The following TRPS1 variants were observed in gnomAD, a reference collection of about 807,000 sequenced individuals.
TRPS1 encodes zinc finger transcription factor Trps1.
TRPS1 carries 6 observed loss-of-function variants against 101.2 expected under a neutral mutation model. The ratio of observed to expected loss-of-function variants is 0.06; its 90% CI spans 0.03 to 0.12. TRPS1 has a LOEUF of 0.12. Among genes scored for constraint, TRPS1 ranks in the 10% least tolerant of loss-of-function variants. The probability of loss-of-function intolerance (pLI) is 1.00; values close to 1 mark genes in which losing one functional copy is unlikely to be tolerated. For synonymous variants in TRPS1, 578 were observed against 589.8 expected, an observed-to-expected ratio of 0.98 and a Z score of 0.29; for missense variants, 1,363 against 1,567.0, an observed-to-expected ratio of 0.87 and a Z score of 2.20.
At chr8:115,487,614 A>T (rs1421706378) in intron 5 of TRPS1, among the ~76,000 whole-genome samples, 15 of 152,218 alleles carry the variant, frequency 9.9e-5, no homozygotes, top group Admixed American at 9.8e-4. Flanking sequence ...TAAGAAGTTG[A>T]TTCCAATCCT....
chr8:115,643,090 A>T (rs189291124), intron 1 of TRPS1, among the ~76,000 whole-genome samples: 3 of 152,278 alleles, frequency 2.0e-5, no homozygotes, highest in African/African-American at 7.2e-5. Context: ...AGTTAAAAAC[A>T]TTCTTTATTA....
At chr8:115,577,818 C>A (rs530414651) in intron 5 of TRPS1, among the ~76,000 whole-genome samples, 150 of 152,192 alleles carry the variant, frequency 9.9e-4, no homozygotes, top group South Asian at 2.7e-3. Context: ...GAAATCAATT[C>A]TTTTCTCTTG....
Position 115,629,175 on chromosome 8 carries a change from C to A in TRPS1, c.-121-5417G>T, listed in dbSNP as rs117569491. On this transcript the variant is annotated intron_variant, in intron 1 of 6. Coordinates refer to ENST00000395715, the MANE Select transcript of TRPS1 (RefSeq NM_014112.5). ...AACAAAAAACAAAAAACAAAAAAAA[C>A]CAGTATTCCTTCACTAACTTGGCAA... Among the ~76,000 whole-genome samples the A allele has an allele frequency of 2.5e-3, 382 of 151,812 alleles. 9 individuals are homozygous for A. The East Asian group carries it at 0.058, about 23-fold the overall frequency.
At chr8:115,601,090 C>T (rs958981030) in intron 4 of TRPS1, among the ~76,000 whole-genome samples, 3 of 152,164 alleles carry the variant, frequency 2.0e-5, no homozygotes, top group African/African-American at 4.8e-5. Context: ...ATAAACTCTT[C>T]TGCTTCTCAG....
At chr8:115,546,577 A>AG (rs377089753) in intron 5 of TRPS1, among the ~76,000 whole-genome samples, 1 of 52,880 alleles carries the variant, frequency 1.9e-5, no homozygotes, top group African/African-American at 8.4e-5. Context: ...GGCATGTAAA[A>AG]TGTGACACAC....
intron 5 of TRPS1, among the ~76,000 whole-genome samples, chr8:115,492,020 G>C (rs1371983783): frequency 6.6e-6 from 1 of 151,928 alleles, no homozygotes; most frequent in East Asian, 1.9e-4. Context: ...GATTATGAAA[G>C]GTTAAGGGTC....
chr8:115,667,721 G>A (rs1459847309), intron 1 of TRPS1, among the ~76,000 whole-genome samples: 3 of 152,214 alleles, frequency 2.0e-5, no homozygotes, highest in Non-Finnish European at 4.4e-5. Context: ...CTTCTCCAGA[G>A]CCCAGCTGGG....
intron 5 of TRPS1, among the ~76,000 whole-genome samples, chr8:115,533,449 T>TGTTTTTTTTTTTTTTTTTTTTTTG (rs1182320214): frequency 1.6e-5 from 2 of 123,322 alleles, no homozygotes; most frequent in African/African-American, 8.3e-5. Flanking sequence ...TTTTTTTTTT[T>TGTTTTTTTTTTTTTTTTTTTTTTG]TTTTTTTTTT....
chr8:115,584,079 A>C, intron 5 of TRPS1, among the ~76,000 whole-genome samples: 1 of 152,132 alleles, frequency 6.6e-6, no homozygotes, highest in South Asian at 2.1e-4. Flanking sequence ...GCAACATTTT[A>C]ATTATGTGCT....
chr8:115,570,055 G>T (rs2130392444), intron 5 of TRPS1, among the ~76,000 whole-genome samples: 1 of 152,002 alleles, frequency 6.6e-6, no homozygotes, highest in African/African-American at 2.4e-5. Context: ...ATTCTATAAA[G>T]AAATCTCTGT....
At chr8:115,585,303 C>A (rs1817538630) in intron 5 of TRPS1, among the ~76,000 whole-genome samples, 1 of 152,156 alleles carries the variant, frequency 6.6e-6, no homozygotes, top group Non-Finnish European at 1.5e-5. Context: ...AACCACTACG[C>A]TCAGGTTTTT....
intron 3 of TRPS1, among the ~76,000 whole-genome samples, chr8:115,610,332 T>C (rs1471979109): frequency 6.6e-6 from 1 of 152,208 alleles, no homozygotes; most frequent in Non-Finnish European, 1.5e-5. Flanking sequence ...GGAAAATAAC[T>C]ACAGCCAGAA....
At chr8:115,429,965 T>C (rs902750203) in intron 5 of TRPS1, among the ~76,000 whole-genome samples, 3 of 152,088 alleles carry the variant, frequency 2.0e-5, no homozygotes, top group African/African-American at 7.2e-5. Context: ...AAGAAAAAAA[T>C]TACCAAGCTC....
chr8:115,531,388 T>A (rs563259213), intron 5 of TRPS1, among the ~76,000 whole-genome samples: 1 of 152,300 alleles, frequency 6.6e-6, no homozygotes, highest in South Asian at 2.1e-4. Flanking sequence ...ACTTGTTGAT[T>A]ACTGTTGAAT....
chr8:115,536,079 C>G, intron 5 of TRPS1, among the ~76,000 whole-genome samples: 1 of 151,938 alleles, frequency 6.6e-6, no homozygotes, highest in East Asian at 1.9e-4. Flanking sequence ...ATGAGCCAAT[C>G]AATGTAAAGC....
At chr8:115,572,514 G>A (rs1389023951) in intron 5 of TRPS1, among the ~76,000 whole-genome samples, 1 of 150,886 alleles carries the variant, frequency 6.6e-6, no homozygotes, top group Non-Finnish European at 1.5e-5. Context: ...TTTTTTTCTT[G>A]TGCTGTAATC....
intron 5 of TRPS1, among the ~76,000 whole-genome samples, chr8:115,474,841 CTAGAGA>C (rs1287040387): frequency 6.6e-6 from 1 of 152,000 alleles, no homozygotes; most frequent in Non-Finnish European, 1.5e-5. Context: ...ACTTAAGAGA[CTAGAGA>C]TAAATATTCT....
At chr8:115,597,115 C>T (rs1433810565) in intron 4 of TRPS1, among the ~76,000 whole-genome samples, 2 of 151,794 alleles carry the variant, frequency 1.3e-5, no homozygotes, top group Non-Finnish European at 2.9e-5. Context: ...CTAAAAAATG[C>T]AATTATGAAC....
At position 115,478,826 on chromosome 8, in the gene TRPS1, T is replaced by C. The variant is rs540543060; in HGVS notation, c.2701-60374A>G. ...CAAAAAAAAAAAGTATATATATATG[T>C]ATATATGTATATAAATGTATATATG... On this transcript the variant is annotated intron_variant, in intron 5 of 6. Coordinates refer to ENST00000395715, the MANE Select transcript of TRPS1 (RefSeq NM_014112.5). Among the ~76,000 whole-genome samples, 23 of 145,040 alleles carry C rather than the reference T, an allele frequency of 1.6e-4. No homozygotes were observed. In the South Asian group the frequency reaches 4.7e-3, roughly 30 times the overall value.
Sources: allele counts gnomAD v4.1 joint callset (sites outside exome capture counted in the v4.1 genomes callset), GRCh38; gene constraint gnomAD v4.1.1; transcripts MANE v1.5; gene names NCBI Gene and HGNC (gene_info 2026-07-23, HGNC 2026-07-21).